Variants in DPP10 observed in about 807,000 individuals in gnomAD.
The protein encoded by DPP10 is inactive dipeptidyl peptidase 10.
In DPP10, 33 loss-of-function variants were observed where a neutral mutation model predicts 120.9. That is an observed-to-expected ratio of 0.27 (90% confidence interval 0.21 to 0.37). The LOEUF (loss-of-function observed/expected upper bound fraction) is 0.37, where lower values mean the gene tolerates loss of function less well. Among genes scored for constraint, DPP10 ranks in the 10% least tolerant of loss-of-function variants. DPP10 has a pLI of 1.00. For missense variants in DPP10, 816 were observed against 942.8 expected (o/e 0.87, Z 1.76); for synonymous variants, 337 against 326.1 (o/e 1.03, Z -0.36).
intron 1 of DPP10, among the ~76,000 whole-genome samples, chr2:114,758,078 A>G (rs1254877895): frequency 6.6e-6 from 1 of 152,172 alleles, no homozygotes; most frequent in Non-Finnish European, 1.5e-5. Flanking sequence ...TCCACATGTG[A>G]ACTTCAAGAG....
intron 1 of DPP10, among the ~76,000 whole-genome samples, chr2:115,212,890 A>G (rs556408441): frequency 2.2e-4 from 33 of 152,122 alleles, no homozygotes; most frequent in Non-Finnish European, 4.9e-4. Flanking sequence ...AGTTATTCAC[A>G]TTGGTTTATC....
At chr2:114,988,654 A>G (rs1483280260) in intron 1 of DPP10, among the ~76,000 whole-genome samples, 1 of 152,192 alleles carries the variant, frequency 6.6e-6, no homozygotes, top group African/African-American at 2.4e-5. Context: ...TTTATCATCA[A>G]TATGATCTAT....
At chr2:114,899,479 G>T (rs995512886) in intron 1 of DPP10, among the ~76,000 whole-genome samples, 3 of 151,930 alleles carry the variant, frequency 2.0e-5, no homozygotes, top group Non-Finnish European at 1.5e-5. Flanking sequence ...CCCTCTACCC[G>T]ATGAAACCAC....
intron 1 of DPP10, among the ~76,000 whole-genome samples, chr2:115,186,399 C>T (rs942940967): frequency 1.3e-5 from 2 of 152,144 alleles, no homozygotes; most frequent in African/African-American, 2.4e-5. Context: ...TCAGAGCCTA[C>T]GGTGGAATAC....
At chr2:114,845,433 G>A (rs1317197882) in intron 1 of DPP10, among the ~76,000 whole-genome samples, 1 of 152,128 alleles carries the variant, frequency 6.6e-6, no homozygotes, top group Non-Finnish European at 1.5e-5. Flanking sequence ...ATCTGTCAGA[G>A]TTGAGTATTT....
chr2:114,640,835 G>A (rs545269053), intron 1 of DPP10, among the ~76,000 whole-genome samples: 105 of 152,000 alleles, frequency 6.9e-4, no homozygotes, highest in Middle Eastern at 6.8e-3. Context: ...CAGTTTGCCA[G>A]ACAGCAAGTC....
intron 1 of DPP10, among the ~76,000 whole-genome samples, chr2:115,075,662 C>T (rs1344488272): frequency 6.6e-6 from 1 of 150,826 alleles, no homozygotes; most frequent in South Asian, 2.1e-4. Flanking sequence ...CTTATTAGCT[C>T]AGCCCATTTT....
At chr2:115,659,392 A>G (rs1389859302) in intron 5 of DPP10, among the ~76,000 whole-genome samples, 1 of 152,096 alleles carries the variant, frequency 6.6e-6, no homozygotes, top group Non-Finnish European at 1.5e-5. Context: ...TTTTATTTAT[A>G]CTAAAAGTGA....
intron 1 of DPP10, among the ~76,000 whole-genome samples, chr2:115,068,768 A>G (rs1007557077): frequency 1.3e-5 from 2 of 152,080 alleles, no homozygotes; most frequent in African/African-American, 4.8e-5. Flanking sequence ...TAAGGGTACA[A>G]TTTCATTCTT....
At chr2:115,182,043 A>G (rs1206816581) in intron 1 of DPP10, among the ~76,000 whole-genome samples, 1 of 152,182 alleles carries the variant, frequency 6.6e-6, no homozygotes. Flanking sequence ...AAGAATTTAC[A>G]TTTTCACTGT....
At chr2:114,792,841 G>T (rs1317643860) in intron 1 of DPP10, among the ~76,000 whole-genome samples, 2 of 152,126 alleles carry the variant, frequency 1.3e-5, no homozygotes, top group Non-Finnish European at 2.9e-5. Context: ...ATTCTTAGAA[G>T]CTTGTACCTA....
In DPP10 at chr2:115,843,317, T is replaced by C. The variant is rs982911887; in HGVS notation, c.*972T>C. On this transcript the variant is annotated 3_prime_UTR_variant, in exon 26 of 26. Coordinates refer to ENST00000410059, the MANE Select transcript of DPP10 (RefSeq NM_020868.6). ...AAATTATAGTTTCTGATAAAGAAAT[T>C]TTGTTAACAATGCAATGCCACTGAG... is the stretch of plus-strand genomic sequence containing the variant. The C allele has an allele frequency of 7.9e-5, 12 of 152,610 alleles. No homozygotes were observed. Among genetic ancestry groups the C allele is most frequent in the African/African-American group, 2.9e-4 (12 of 41,458 alleles). The allele number at this position is 152,610 out of a possible 1,614,324, so 9.5% of individuals were successfully genotyped here.
chr2:115,539,066 G>T (rs574359099), intron 5 of DPP10, among the ~76,000 whole-genome samples: 5 of 151,986 alleles, frequency 3.3e-5, no homozygotes, highest in African/African-American at 9.6e-5. Context: ...CTGTTGCTCA[G>T]TGCTGCTCGG....
chr2:114,948,445 A>G (rs953488368), intron 1 of DPP10, among the ~76,000 whole-genome samples: 2 of 152,038 alleles, frequency 1.3e-5, no homozygotes, highest in African/African-American at 2.4e-5. Flanking sequence ...GCTGTCTTGA[A>G]TTGTTGTCCT....
chr2:115,803,944 A>G (rs571248463), intron 19 of DPP10, among the ~76,000 whole-genome samples: 2 of 151,954 alleles, frequency 1.3e-5, no homozygotes, highest in Admixed American at 6.6e-5. Context: ...TCTTTGTGGC[A>G]TTCTCTGTAT....
intron 1 of DPP10, among the ~76,000 whole-genome samples, chr2:114,709,997 A>G (rs528659890): frequency 6.6e-6 from 1 of 152,170 alleles, no homozygotes; most frequent in African/African-American, 2.4e-5. Context: ...CATCTGACCT[A>G]CTTTCAGGAG....
intron 1 of DPP10, among the ~76,000 whole-genome samples, chr2:114,549,302 A>G (rs1687678555): frequency 6.6e-6 from 1 of 151,920 alleles, no homozygotes; most frequent in Non-Finnish European, 1.5e-5. Context: ...GTCTCCAGGT[A>G]CTTCCTGTGT....
chr2:114,819,360 C>T (rs1685901158), intron 1 of DPP10, among the ~76,000 whole-genome samples: 1 of 152,140 alleles, frequency 6.6e-6, no homozygotes, highest in Admixed American at 6.6e-5. Flanking sequence ...CCTCTGTGAT[C>T]CTCAGTTTTC....
At chr2:115,057,284 A>C (rs1287220563) in intron 1 of DPP10, among the ~76,000 whole-genome samples, 1 of 152,198 alleles carries the variant, frequency 6.6e-6, no homozygotes, top group African/African-American at 2.4e-5. Context: ...CTGAGGTAGA[A>C]ATAGTAGAGT....
Sources: gnomAD v4.1 joint callset for allele counts (sites outside exome capture counted in the v4.1 genomes callset) on GRCh38, gnomAD v4.1.1 for gene constraint, MANE v1.5 for transcripts, NCBI Gene and HGNC (gene_info 2026-07-23, HGNC 2026-07-21) for gene names.